Variants in NEK11 observed in about 807,000 individuals in gnomAD.
NEK11 encodes NIMA related kinase 11.
In NEK11, 72 loss-of-function variants were observed where a neutral mutation model predicts 80.7. The observed-to-expected ratio is 0.89, with a 90% CI of 0.74 to 1.08. NEK11 has a LOEUF of 1.08. Among genes scored for constraint, NEK11 ranks in the 50% least tolerant of loss-of-function variants. The probability of loss-of-function intolerance (pLI) is 0.00; values close to 1 mark genes in which losing one functional copy is unlikely to be tolerated. For missense variants in NEK11, 764 were observed against 763.6 expected (o/e 1.00, Z -0.01); for synonymous variants, 251 against 260.7 (o/e 0.96, Z 0.36).
intron 14 of NEK11, among the ~76,000 whole-genome samples, chr3:131,217,309 G>C (rs1371504539): frequency 6.6e-6 from 1 of 152,154 alleles, no homozygotes; most frequent in Non-Finnish European, 1.5e-5. Context: ...TGCCGGGGAA[G>C]GCATGGGGGA....
intron 14 of NEK11, among the ~76,000 whole-genome samples, chr3:131,189,492 C>T (rs2093715331): frequency 1.3e-5 from 2 of 152,172 alleles, no homozygotes; most frequent in Non-Finnish European, 2.9e-5. Context: ...TATAAGGGTA[C>T]TAATCCCATT....
intron 16 of NEK11, among the ~76,000 whole-genome samples, chr3:131,250,462 C>CAGACAT (rs2095679892): frequency 1.3e-5 from 2 of 152,040 alleles, no homozygotes; most frequent in Non-Finnish European, 2.9e-5. Flanking sequence ...CATTTGCAGG[C>CAGACAT]ATCCAATATC....
At chr3:131,214,776 T>C (rs2094762113) in intron 14 of NEK11, among the ~76,000 whole-genome samples, 1 of 151,764 alleles carries the variant, frequency 6.6e-6, no homozygotes, top group Admixed American at 6.6e-5. Context: ...GAGATGTCAC[T>C]TAGAGAGGCA....
chr3:131,252,447 G>A (rs1393833584), intron 16 of NEK11, among the ~76,000 whole-genome samples: 1 of 152,126 alleles, frequency 6.6e-6, no homozygotes, highest in African/African-American at 2.4e-5. Context: ...AATGCTGTGT[G>A]TAGTGGCTTG....
At chr3:131,308,533 T>C (rs1365785296) in intron 17 of NEK11, among the ~76,000 whole-genome samples, 1 of 152,178 alleles carries the variant, frequency 6.6e-6, no homozygotes, top group Non-Finnish European at 1.5e-5. Flanking sequence ...TCTTTAAGAA[T>C]TAGGAATTAC....
chr3:131,347,925 A>C (rs2097390000), intron 17 of NEK11, among the ~76,000 whole-genome samples: 1 of 152,128 alleles, frequency 6.6e-6, no homozygotes, highest in Non-Finnish European at 1.5e-5. Context: ...CTCCAAAAAA[A>C]AAAAATACAC....
intron 17 of NEK11, among the ~76,000 whole-genome samples, chr3:131,324,173 A>G (rs1424802480): frequency 3.3e-5 from 5 of 152,202 alleles, no homozygotes; most frequent in Admixed American, 3.3e-4. Context: ...GGGTCAGTGG[A>G]TAGGAAATTA....
chr3:131,064,868 G>A (rs1403374697), intron 3 of NEK11, among the ~76,000 whole-genome samples: 1 of 152,018 alleles, frequency 6.6e-6, no homozygotes, highest in Non-Finnish European at 1.5e-5. Context: ...ATGGAGATGT[G>A]CTTATTCTAT....
At position 131,243,474 on chromosome 3, in the gene NEK11, T is replaced by C. The variant is rs1211350307; in HGVS notation, c.1599T>C (p.Asn533=). 1 of 1,612,848 alleles carries C rather than the reference T, an allele frequency of 6.2e-7. No homozygotes were observed. The highest frequency in any genetic ancestry group is 1.1e-5 in the South Asian group (1 of 91,026). Residue 533 remains asparagine (N), a synonymous_variant, in exon 16 of 18, where the codon AAT becomes AAC. Transcript: ENST00000383366. ...AAGCGTTGGCCAGGTGTTTGGAAAA[T>C]GTCCTGGGTTGCACTTCTCTAGGTG... is the stretch of plus-strand genomic sequence containing the variant. ...DIEALARCLE[N]VLGCTSLDTK...
At chr3:131,134,698 C>T (rs2085208038) in intron 7 of NEK11, among the ~76,000 whole-genome samples, 1 of 152,172 alleles carries the variant, frequency 6.6e-6, no homozygotes, top group Admixed American at 6.5e-5. Flanking sequence ...CGCGCCCAGA[C>T]TAGGATAAAC....
chr3:131,111,003 G>A (rs1031348578), intron 5 of NEK11, among the ~76,000 whole-genome samples: 2 of 152,112 alleles, frequency 1.3e-5, no homozygotes, highest in Non-Finnish European at 2.9e-5. Context: ...GCTACTGACT[G>A]TAAAACTTCT....
rs146864295 is a variant in NEK11 at position 131,118,581 on chromosome 3, G to A, written c.455+8660G>A. Among the ~76,000 whole-genome samples, 732 of 152,226 alleles carry A rather than the reference G, an allele frequency of 4.8e-3. 6 individuals carry two copies. The highest frequency in any genetic ancestry group is 0.016 in the African/African-American group (654 of 41,522). On this transcript the variant is annotated intron_variant, in intron 5 of 17. Transcript: ENST00000383366. Reference sequence around the variant, plus strand: ...CATGTTTGTACCTCTGGTAGAATTCGGCTGTGAATCCATCTGGTCCTGGAC... The same window carrying A: ...CATGTTTGTACCTCTGGTAGAATTCAGCTGTGAATCCATCTGGTCCTGGAC...
intron 3 of NEK11, among the ~76,000 whole-genome samples, chr3:131,070,868 C>A (rs1233079949): frequency 1.3e-5 from 2 of 152,104 alleles, no homozygotes; most frequent in Admixed American, 1.3e-4. Flanking sequence ...TGCTTTGTGA[C>A]CTTGGATAAA....
chr3:131,192,153 A>G (rs1423533261), intron 14 of NEK11, among the ~76,000 whole-genome samples: 4 of 152,214 alleles, frequency 2.6e-5, no homozygotes, highest in African/African-American at 9.6e-5. Context: ...TCTCCAAAGA[A>G]GATATACAGA....
intron 7 of NEK11, among the ~76,000 whole-genome samples, chr3:131,137,720 T>G (rs1263368304): frequency 6.6e-6 from 1 of 152,198 alleles, no homozygotes; most frequent in Non-Finnish European, 1.5e-5. Context: ...TAATTTGGCC[T>G]GATGAATTTT....
intron 17 of NEK11, among the ~76,000 whole-genome samples, chr3:131,288,450 C>CTTTCTTTCTTTCT (rs536834704): frequency 0.1 from 11,618 of 115,734 alleles, 1,079 homozygotes; most frequent in Middle Eastern, 0.17. Flanking sequence ...TTCTTTCTTT[C>CTTTCTTTCTTTCT]TTTTTTTTTT....
chr3:131,239,814 T>TTTCATTCATTCA lies in NEK11; in HGVS notation c.1561-3601_1561-3590dup, dbSNP rs139825448. Among the ~76,000 whole-genome samples the TTTCATTCATTCA allele has an allele frequency of 2.4e-3, 366 of 151,966 alleles. 1 individual carries two copies. The highest frequency in any genetic ancestry group is 7.9e-3 in the African/African-American group (326 of 41,394). On this transcript the variant is annotated intron_variant, in intron 15 of 17. Coordinates refer to ENST00000383366, the MANE Select transcript of NEK11 (RefSeq NM_024800.5). ...TAAGTTCTTGTGGCAGCTAGGTAGC[T>TTTCATTCATTCA]TTCATTCATTCATTCATTCATTCAT...
chr3:131,154,246 A>T (rs2090231033), intron 9 of NEK11, among the ~76,000 whole-genome samples: 1 of 152,006 alleles, frequency 6.6e-6, no homozygotes, highest in South Asian at 2.1e-4. Flanking sequence ...GGTTGTGGGG[A>T]TCAAAAACAC....
At chr3:131,253,750 A>G (rs748381407) in intron 16 of NEK11, among the ~76,000 whole-genome samples, 32 of 152,136 alleles carry the variant, frequency 2.1e-4, no homozygotes, top group Non-Finnish European at 4.4e-4. Flanking sequence ...CCCCAGTGCA[A>G]TGTACAATAT....
Sources: allele counts gnomAD v4.1 joint callset (sites outside exome capture counted in the v4.1 genomes callset), GRCh38; gene constraint gnomAD v4.1.1; transcripts MANE v1.5; gene names NCBI Gene and HGNC (gene_info 2026-07-23, HGNC 2026-07-21).